The following ACTN1 variants were observed in gnomAD, a reference collection of about 807,000 sequenced individuals.
The protein encoded by ACTN1 is actinin alpha 1.
A neutral mutation model predicts 119.6 loss-of-function variants in ACTN1; 30 were observed. The ratio of observed to expected loss-of-function variants is 0.25; its 90% CI spans 0.19 to 0.34. The LOEUF is 0.34. ACTN1 is among the 10% of genes least tolerant of loss of function. The probability of loss-of-function intolerance (pLI) is 1.00; values close to 1 mark genes in which losing one functional copy is unlikely to be tolerated. For synonymous variants in ACTN1, 429 were observed against 472.6 expected (o/e 0.91, Z 1.20); for missense variants, 764 against 1,223.4 (o/e 0.62, Z 5.60).
At chr14:68,883,167 T>C in intron 14 of ACTN1, 112 bp from the exon 15 acceptor site, 1 of 1,153,100 alleles carries the variant, frequency 8.7e-7, no homozygotes, top group East Asian at 2.4e-5. Flanking sequence ...GAGGCATCAA[T>C]TCAAAGATTC....
At chr14:68,895,998 G>A (rs1003193238) in intron 8 of ACTN1, among the ~76,000 whole-genome samples, 1 of 152,094 alleles carries the variant, frequency 6.6e-6, no homozygotes, top group African/African-American at 2.4e-5. Flanking sequence ...TCCCAGGATG[G>A]CCTCTCCAGA....
intron 1 of ACTN1, among the ~76,000 whole-genome samples, chr14:68,932,482 C>G (rs2035265134): frequency 6.7e-6 from 1 of 149,690 alleles, no homozygotes; most frequent in Admixed American, 6.7e-5. Flanking sequence ...TTAGTTCTGT[C>G]CCTCTAGAGA....
rs201046825 is a variant in ACTN1, at chr14:68,884,341, A to T, written c.1495-33T>A. 7 of 1,593,146 alleles carry T rather than the reference A, an allele frequency of 4.4e-6. No homozygotes were observed. In the South Asian group the frequency reaches 7.9e-5, roughly 18 times the overall value. Reference sequence around the variant, plus strand: ...TGCCAAATAGGGTAAGGGTTAGTACAGTGATGTCCAGAATCATCCCCCACT... The same window carrying T: ...TGCCAAATAGGGTAAGGGTTAGTACTGTGATGTCCAGAATCATCCCCCACT... On this transcript the variant is annotated intron_variant, in intron 13 of 21. Transcript: ENST00000394419.
chr14:68,976,721 T>C (rs946567124), intron 1 of ACTN1, among the ~76,000 whole-genome samples: 1 of 152,228 alleles, frequency 6.6e-6, no homozygotes. Context: ...CATGGCTGCA[T>C]CCCAGCCCCA....
chr14:68,907,817 G>A (rs1002098789), intron 6 of ACTN1, among the ~76,000 whole-genome samples: 5 of 152,120 alleles, frequency 3.3e-5, no homozygotes, highest in Admixed American at 1.3e-4. Flanking sequence ...TCCAACAGCT[G>A]TGGATGAACT....
chr14:68,973,481 C>T, intron 1 of ACTN1, among the ~76,000 whole-genome samples: 1 of 152,210 alleles, frequency 6.6e-6, no homozygotes, highest in Admixed American at 6.5e-5. Flanking sequence ...ATGTTTGCTT[C>T]CCCTTCCGCC....
intron 1 of ACTN1, among the ~76,000 whole-genome samples, chr14:68,951,170 C>A (rs2036154557): frequency 6.6e-6 from 1 of 152,326 alleles, no homozygotes; most frequent in Admixed American, 6.5e-5. Flanking sequence ...GGGTGACGGG[C>A]AGGCTCCTCC....
At chr14:68,944,105 C>T (rs1407933335) in intron 1 of ACTN1, among the ~76,000 whole-genome samples, 12 of 152,204 alleles carry the variant, frequency 7.9e-5, no homozygotes, top group Non-Finnish European at 1.8e-4. Context: ...AAGCCAGCCA[C>T]GAGAGGAGGC....
At chr14:68,949,346 C>G (rs943600615) in intron 1 of ACTN1, among the ~76,000 whole-genome samples, 5 of 152,158 alleles carry the variant, frequency 3.3e-5, no homozygotes, top group Admixed American at 6.5e-5. Flanking sequence ...GGGGACCTGG[C>G]CCAAAAAGGC....
chr14:68,975,142 G>A, intron 1 of ACTN1, among the ~76,000 whole-genome samples: 1 of 152,204 alleles, frequency 6.6e-6, no homozygotes, highest in East Asian at 1.9e-4. Context: ...TGCAAACAAT[G>A]TGTCCCCTCT....
intron 1 of ACTN1, among the ~76,000 whole-genome samples, chr14:68,955,942 C>T (rs891423647): frequency 6.6e-6 from 1 of 152,160 alleles, no homozygotes; most frequent in African/African-American, 2.4e-5. Context: ...AGTGAATTTA[C>T]GGTCTAAGCC....
intron 11 of ACTN1, chr14:68,887,685 T>C (rs2032130666): frequency 5.3e-6 from 7 of 1,310,972 alleles, no homozygotes; most frequent in East Asian, 5.1e-5. Context: ...TTTCTAGAGC[T>C]ACTAAAAAGC....
At chr14:68,904,452 A>G (rs1227686942) in intron 7 of ACTN1, among the ~76,000 whole-genome samples, 3 of 152,206 alleles carry the variant, frequency 2.0e-5, no homozygotes, top group African/African-American at 7.2e-5. Context: ...ACCTTTGCAG[A>G]ATCAACTAAC....
At chr14:68,899,190 C>G (rs1421392210) in intron 8 of ACTN1, among the ~76,000 whole-genome samples, 1 of 145,064 alleles carries the variant, frequency 6.9e-6, no homozygotes, top group Admixed American at 6.9e-5. Flanking sequence ...CACCTCACAC[C>G]CACAGCACAC....
intron 8 of ACTN1, chr14:68,900,816 G>A (rs1477348431): frequency 6.6e-6 from 1 of 152,460 alleles, no homozygotes; most frequent in Non-Finnish European, 1.5e-5. Context: ...GAGGACGGAA[G>A]AGATGGGCAA....
chr14:68,978,100 C>T (rs899052711), intron 1 of ACTN1: 4 of 455,032 alleles, frequency 8.8e-6, no homozygotes, highest in Non-Finnish European at 1.3e-5. Flanking sequence ...CCCGGCACAC[C>T]GCGCCTGCCT....
intron 8 of ACTN1, among the ~76,000 whole-genome samples, chr14:68,901,949 G>A (rs1259279262): frequency 6.6e-6 from 1 of 152,236 alleles, no homozygotes; most frequent in Non-Finnish European, 1.5e-5. Context: ...CAGGATACAG[G>A]AGAAGGCACT....
chr14:68,877,500 C>G (rs2031039191), intron 20 of ACTN1: 2 of 476,876 alleles, frequency 4.2e-6, no homozygotes, highest in South Asian at 6.4e-5. Flanking sequence ...ACTATAATGA[C>G]AACAATGATT....
At chr14:68,893,040 C>T (rs2032615810) in intron 9 of ACTN1, among the ~76,000 whole-genome samples, 1 of 152,124 alleles carries the variant, frequency 6.6e-6, no homozygotes, top group East Asian at 1.9e-4. Context: ...GAAATTTAAA[C>T]CCAGGCACTT....
Sources: gnomAD v4.1 joint callset for allele counts (sites outside exome capture counted in the v4.1 genomes callset) on GRCh38, gnomAD v4.1.1 for gene constraint, MANE v1.5 for transcripts, NCBI Gene and HGNC (gene_info 2026-07-23, HGNC 2026-07-21) for gene names.